ZNF362: variants seen among roughly 807,000 people sequenced by gnomAD.
The protein encoded by ZNF362 is rotund homolog.
ZNF362 carries 11 observed loss-of-function variants against 42.9 expected under a neutral mutation model. That is an observed-to-expected ratio of 0.26 (90% CI 0.16 to 0.42). The LOEUF is 0.42. Among genes scored for constraint, ZNF362 ranks in the 20% least tolerant of loss-of-function variants. The pLI, the probability that ZNF362 is intolerant of heterozygous loss-of-function variation, is 1.00. For missense variants in ZNF362, 362 were observed against 576.2 expected (o/e 0.63, Z 3.81); for synonymous variants, 255 against 257.3 (o/e 0.99, Z 0.09).
chr1:33,299,114 C>T lies in ZNF362; in HGVS notation c.*68C>T. ...AGACCCAGGCAGCACCAGGCCCCAG[C>T]TCCCTCCGGGGGCCCTCCAGGAACC... On this transcript the variant is annotated 3_prime_UTR_variant, in exon 9 of 9. Coordinates refer to ENST00000539719, the MANE Select transcript of ZNF362 (RefSeq NM_152493.3). 3 of 1,272,316 alleles carry T rather than the reference C, an allele frequency of 2.4e-6. No homozygotes were observed. Among genetic ancestry groups the T allele is most frequent in the African/African-American group, 1.5e-5 (1 of 68,774 alleles). The allele number at this position is 1,272,316 out of a possible 1,614,324, so 78.8% of individuals were successfully genotyped here. A position where few individuals can be genotyped will look rare whatever the true frequency, so the allele number is the denominator to read the frequency against.
At chr1:33,222,902 T>A in the ZNF362 span, among the ~76,000 whole-genome samples, 1 of 152,110 alleles carries the variant, frequency 6.6e-6, no homozygotes, top group African/African-American at 2.4e-5. Context: ...GGCAGGTCTT[T>A]TCTGTGCTGT....
intron 2 of ZNF362, among the ~76,000 whole-genome samples, chr1:33,271,277 T>G (rs902196673): frequency 6.6e-6 from 1 of 152,186 alleles, no homozygotes; most frequent in Non-Finnish European, 1.5e-5. Flanking sequence ...CCCCTCACAC[T>G]GTTGGGCTCC....
the ZNF362 span, among the ~76,000 whole-genome samples, chr1:33,171,485 T>C: frequency 3.4e-4 from 51 of 152,190 alleles, no homozygotes; most frequent in South Asian, 8.3e-4. Context: ...GCTCCGAAAA[T>C]CCATGTTCAA....
At chr1:33,293,302 G>C (rs532783074) in intron 6 of ZNF362, among the ~76,000 whole-genome samples, 1 of 152,328 alleles carries the variant, frequency 6.6e-6, no homozygotes, top group South Asian at 2.1e-4. Flanking sequence ...TGGCAGGGAA[G>C]AATCATTATC....
At chr1:33,180,751 T>A in the ZNF362 span, among the ~76,000 whole-genome samples, 6 of 151,982 alleles carry the variant, frequency 3.9e-5, no homozygotes, top group East Asian at 1.2e-3. Context: ...ATCCCCGACT[T>A]CTCCCTAACC....
At chr1:33,177,868 A>G in the ZNF362 span, among the ~76,000 whole-genome samples, 1 of 152,226 alleles carries the variant, frequency 6.6e-6, no homozygotes, top group Non-Finnish European at 1.5e-5. This position sits in a 1 kb window ranked among gnomAD's most constrained non-coding sequence, Gnocchi z 4.1. Context: ...TTTTATAAAC[A>G]TCATCTTGTT....
the ZNF362 span, among the ~76,000 whole-genome samples, chr1:33,201,361 A>G: frequency 2.0e-5 from 3 of 152,228 alleles, no homozygotes; most frequent in Non-Finnish European, 4.4e-5. Flanking sequence ...CTAACACGGA[A>G]CATTTACTAA....
At chr1:33,261,272 A>G (rs1645826266) in intron 1 of ZNF362, 1 of 152,138 alleles carries the variant, frequency 6.6e-6, no homozygotes, top group African/African-American at 2.4e-5. Context: ...ACTCCCTCCT[A>G]ACCAGGCCAC....
At chr1:33,267,337 CCAAGCCGGAA>C (rs1645871763) in intron 1 of ZNF362, among the ~76,000 whole-genome samples, 1 of 152,188 alleles carries the variant, frequency 6.6e-6, no homozygotes, top group Admixed American at 6.5e-5. Context: ...TGCCCCTGCT[CCAAGCCGGAA>C]GCATCACCAC....
At chr1:33,232,350 C>T in the ZNF362 span, among the ~76,000 whole-genome samples, 3 of 152,094 alleles carry the variant, frequency 2.0e-5, no homozygotes, top group Admixed American at 1.3e-4. Flanking sequence ...CTGCAACCTC[C>T]ACCTCCTGGG....
intron 1 of ZNF362, among the ~76,000 whole-genome samples, chr1:33,263,893 C>T: frequency 6.6e-6 from 1 of 152,124 alleles, no homozygotes; most frequent in Non-Finnish European, 1.5e-5. Flanking sequence ...TCTGGTGGGG[C>T]CTGTAGCCGG....
chr1:33,179,748 C>G, the ZNF362 span, among the ~76,000 whole-genome samples: 1 of 152,074 alleles, frequency 6.6e-6, no homozygotes, highest in African/African-American at 2.4e-5. Flanking sequence ...TATCCCAAAG[C>G]CAGGTACATG....
chr1:33,289,155 G>T (rs55917719), intron 6 of ZNF362, among the ~76,000 whole-genome samples: 8,859 of 152,170 alleles, frequency 0.058, 356 homozygotes, highest in African/African-American at 0.12. Flanking sequence ...GTACAGAGGG[G>T]TCCACAGCCC....
At chr1:33,297,513 C>CTTTTTTTTTTTTTT (rs55931056) in intron 8 of ZNF362, among the ~76,000 whole-genome samples, 3 of 121,062 alleles carry the variant, frequency 2.5e-5, no homozygotes, top group African/African-American at 3.5e-5. Flanking sequence ...CATGATTCCT[C>CTTTTTTTTTTTTTT]TTTTTTTTTT....
the ZNF362 span, among the ~76,000 whole-genome samples, chr1:33,249,651 A>T: frequency 2.0e-5 from 3 of 152,054 alleles, no homozygotes; most frequent in African/African-American, 7.2e-5. Context: ...CAGAGCATCT[A>T]GTTTGCGGTT....
rs149823281 is a variant in ZNF362 at position 33,263,700 on chromosome 1, C to T, written c.-88-6787C>T. Among the ~76,000 whole-genome samples, 631 of 152,260 alleles carry T rather than the reference C, an allele frequency of 4.1e-3. 7 individuals carry two copies. The highest frequency in any genetic ancestry group is 0.014 in the African/African-American group (591 of 41,556). The stretch of plus-strand genomic sequence containing the variant: ...TGCTGGGATTACAGGTGTGAGCCAC[C>T]GTGCCCAGCCACATGATGATTAAGA... On this transcript the variant is annotated intron_variant, in intron 1 of 8. Coordinates refer to ENST00000539719, the MANE Select transcript of ZNF362 (RefSeq NM_152493.3).
At chr1:33,234,095 T>C in the ZNF362 span, among the ~76,000 whole-genome samples, 1 of 152,160 alleles carries the variant, frequency 6.6e-6, no homozygotes, top group Admixed American at 6.5e-5. Flanking sequence ...CAAGTGTTTG[T>C]TGAAAGAATG....
At chr1:33,240,710 C>A in the ZNF362 span, among the ~76,000 whole-genome samples, 1 of 152,168 alleles carries the variant, frequency 6.6e-6, no homozygotes. Context: ...GCACCTCCAA[C>A]CCGTCATATC....
rs1224863003 is a variant in ZNF362, at chr1:33,299,054, G to A, written c.*8G>A. ...CGAATCTCTCTCATCTGAGCCCACT[G>A]GAGGCGCCGCCCCACCCGGCCCACT... On this transcript the variant is annotated 3_prime_UTR_variant, in exon 9 of 9. Coordinates refer to ENST00000539719, the MANE Select transcript of ZNF362 (RefSeq NM_152493.3). The A allele has an allele frequency of 1.4e-5, 22 of 1,602,994 alleles. No individual in the cohort carries two copies. Among genetic ancestry groups the A allele is most frequent in the Non-Finnish European group, 1.8e-5 (21 of 1,177,928 alleles).
Sources: gnomAD v4.1 joint callset for allele counts (sites outside exome capture counted in the v4.1 genomes callset) on GRCh38, gnomAD v4.1.1 for gene constraint, Gnocchi (gnomAD v3.1) non-coding constraint, MANE v1.5 for transcripts, NCBI Gene and HGNC (gene_info 2026-07-23, HGNC 2026-07-21) for gene names.